Variants in NKAIN2 observed in about 807,000 individuals in gnomAD.
NKAIN2 encodes the protein sodium/potassium transporting ATPase interacting 2, also known as sodium/potassium-transporting ATPase subunit beta-1-interacting protein 2.
NKAIN2 carries 14 observed loss-of-function variants against 32.6 expected under a neutral mutation model. The observed-to-expected ratio is 0.43, with a 90% CI of 0.28 to 0.67. The LOEUF (loss-of-function observed/expected upper bound fraction) is 0.67. Among genes scored for constraint, NKAIN2 ranks in the 30% least tolerant of loss-of-function variants. The pLI is 0.17. For missense variants in NKAIN2, 198 were observed against 258.3 expected (o/e 0.77, Z 1.60); for synonymous variants, 80 against 87.2 (o/e 0.92, Z 0.46).
intron 1 of NKAIN2, among the ~76,000 whole-genome samples, chr6:124,227,087 C>CAAAA (rs575365216): frequency 7.8e-6 from 1 of 128,166 alleles, no homozygotes; most frequent in African/African-American, 3.1e-5. Flanking sequence ...CTCTTGGAGG[C>CAAAA]AAAAAAAAAA....
chr6:124,690,337 G>GT (rs898694596), intron 4 of NKAIN2, among the ~76,000 whole-genome samples: 4 of 152,062 alleles, frequency 2.6e-5, no homozygotes, highest in Admixed American at 2.6e-4. Flanking sequence ...AGTTCCCAAA[G>GT]TTTTTTGCTG....
At chr6:124,791,768 C>A (rs1779757403) in intron 5 of NKAIN2, among the ~76,000 whole-genome samples, 1 of 152,024 alleles carries the variant, frequency 6.6e-6, no homozygotes, top group African/African-American at 2.4e-5. Context: ...GATAACTAAC[C>A]AGTTTTACCC....
At chr6:124,551,668 A>G (rs1780292763) in intron 3 of NKAIN2, among the ~76,000 whole-genome samples, 2 of 152,354 alleles carry the variant, frequency 1.3e-5, no homozygotes, top group South Asian at 4.1e-4. Context: ...TAAAATAACA[A>G]ATTTGAGAAT....
intron 3 of NKAIN2, among the ~76,000 whole-genome samples, chr6:124,490,056 C>T (rs1777800083): frequency 6.6e-6 from 1 of 151,774 alleles, no homozygotes. Context: ...GGACTTTTAT[C>T]AGTTAATATT....
At chr6:124,762,894 T>C (rs1238269166) in intron 4 of NKAIN2, among the ~76,000 whole-genome samples, 1 of 152,172 alleles carries the variant, frequency 6.6e-6, no homozygotes, top group African/African-American at 2.4e-5. Flanking sequence ...TAAGTAGAAC[T>C]TCACTGTAAA....
intron 1 of NKAIN2, among the ~76,000 whole-genome samples, chr6:123,973,974 T>G (rs184897368): frequency 3.3e-5 from 5 of 152,258 alleles, no homozygotes; most frequent in Admixed American, 2.6e-4. Context: ...TCCTCTGGAA[T>G]TTTGTATATA....
At chr6:124,621,539 A>C (rs757061674) in intron 3 of NKAIN2, among the ~76,000 whole-genome samples, 2 of 152,112 alleles carry the variant, frequency 1.3e-5, no homozygotes, top group Non-Finnish European at 2.9e-5. Context: ...CCATAAAAGG[A>C]GAGCTAGGGT....
intron 3 of NKAIN2, among the ~76,000 whole-genome samples, chr6:124,571,720 T>C (rs2114918934): frequency 6.6e-6 from 1 of 152,310 alleles, no homozygotes; most frequent in African/African-American, 2.4e-5. Context: ...CACATATGCT[T>C]AATTTTAGCC....
At chr6:124,334,900 A>G (rs899950870) in intron 2 of NKAIN2, among the ~76,000 whole-genome samples, 5 of 152,206 alleles carry the variant, frequency 3.3e-5, no homozygotes, top group African/African-American at 1.2e-4. Flanking sequence ...TCAGGAATGA[A>G]CAGCTTGGAA....
chr6:124,346,974 G>A lies in NKAIN2; in HGVS notation c.193-8293G>A, dbSNP rs1183455734. 1.4e-4 allele frequency among the ~76,000 whole-genome samples: 22 copies of A among 152,244 alleles called. No individual in the cohort carries two copies. In the East Asian group the frequency reaches 2.9e-3, roughly 20 times the overall value. On this transcript the variant is annotated intron_variant, in intron 2 of 6. Coordinates refer to ENST00000368417, the MANE Select transcript of NKAIN2 (RefSeq NM_001040214.3). ...GCATGATTTTGCAGCAGCTGGTACC[G>A]GTTGTGCCTTTCCATGTTTAGTGCT...
chr6:123,812,054 C>T (rs1773499277), intron 1 of NKAIN2, among the ~76,000 whole-genome samples: 1 of 152,076 alleles, frequency 6.6e-6, no homozygotes, highest in South Asian at 2.1e-4. Flanking sequence ...CCCACCGCCC[C>T]CACCCTCAAG....
chr6:124,324,206 C>A (rs73571155), intron 2 of NKAIN2, among the ~76,000 whole-genome samples: 3,779 of 152,172 alleles, frequency 0.025, 165 homozygotes, highest in African/African-American at 0.087. Flanking sequence ...GGATAATTGG[C>A]ATCTTTACTA....
chr6:124,134,002 T>C (rs1234388865), intron 1 of NKAIN2, among the ~76,000 whole-genome samples: 1 of 151,754 alleles, frequency 6.6e-6, no homozygotes, highest in Admixed American at 6.6e-5. Flanking sequence ...GATCACACTA[T>C]CTCCCCAGCA....
At chr6:124,053,632 G>A (rs1269419325) in intron 1 of NKAIN2, among the ~76,000 whole-genome samples, 1 of 152,024 alleles carries the variant, frequency 6.6e-6, no homozygotes, top group Non-Finnish European at 1.5e-5. Context: ...TGCACAAGAA[G>A]AGCTAGTTTC....
At chr6:124,653,778 G>T (rs1415898828) in intron 3 of NKAIN2, among the ~76,000 whole-genome samples, 1 of 152,072 alleles carries the variant, frequency 6.6e-6, no homozygotes, top group Non-Finnish European at 1.5e-5. Flanking sequence ...ACCAGGTATG[G>T]TATTTTAATC....
At chr6:124,205,411 T>G (rs924005937) in intron 1 of NKAIN2, among the ~76,000 whole-genome samples, 1 of 151,748 alleles carries the variant, frequency 6.6e-6, no homozygotes, top group African/African-American at 2.4e-5. Flanking sequence ...TCTTATATAA[T>G]GTGTCTTATC....
intron 3 of NKAIN2, among the ~76,000 whole-genome samples, chr6:124,492,243 G>A (rs971232414): frequency 6.6e-6 from 1 of 151,938 alleles, no homozygotes; most frequent in Admixed American, 6.6e-5. Context: ...ATGGCAACCA[G>A]AAATTTCTAA....
intron 3 of NKAIN2, among the ~76,000 whole-genome samples, chr6:124,366,317 G>A (rs1799515567): frequency 6.6e-6 from 1 of 152,034 alleles, no homozygotes; most frequent in Non-Finnish European, 1.5e-5. Flanking sequence ...TTATGAACAA[G>A]TTTAAGCCAA....
intron 2 of NKAIN2, among the ~76,000 whole-genome samples, chr6:124,335,132 AAT>A (rs921065437): frequency 5.9e-5 from 9 of 152,226 alleles, no homozygotes; most frequent in African/African-American, 1.9e-4. Context: ...GCAGAAAAAA[AAT>A]ATGCACCCAG....
Sources: allele counts gnomAD v4.1 joint callset (sites outside exome capture counted in the v4.1 genomes callset), GRCh38; gene constraint gnomAD v4.1.1; transcripts MANE v1.5; gene names NCBI Gene and HGNC (gene_info 2026-07-23, HGNC 2026-07-21).